ATP2A3: variants seen among roughly 807,000 people sequenced by gnomAD.
The protein encoded by ATP2A3 is sarcoplasmic/endoplasmic reticulum calcium ATPase 3.
A neutral mutation model predicts 106.8 loss-of-function variants in ATP2A3; 61 were observed. The observed-to-expected ratio is 0.57, with a 90% CI of 0.46 to 0.71. The LOEUF is 0.71. Among genes scored for constraint, ATP2A3 ranks in the 30% least tolerant of loss-of-function variants. The pLI, the probability that ATP2A3 is intolerant of heterozygous loss-of-function variation, is 0.00. For missense variants in ATP2A3, 1,201 were observed against 1,423.5 expected (o/e 0.84, Z 2.52); for synonymous variants, 611 against 609.3 (o/e 1.00, Z -0.04).
chr17:3,956,370 T>A (rs2054781361), intron 1 of ATP2A3, among the ~76,000 whole-genome samples: 1 of 152,236 alleles, frequency 6.6e-6, no homozygotes, highest in East Asian at 1.9e-4. Flanking sequence ...AAGAAGGATG[T>A]GTATTCGTGC....
Position 3,947,743 on chromosome 17 carries a change from G to T in ATP2A3, c.743C>A (p.Pro248Gln), listed in dbSNP as rs777392643. The T allele has an allele frequency of 6.2e-7, 1 of 1,608,176 alleles. No individual in the cohort carries two copies. Among genetic ancestry groups the T allele is most frequent in the Non-Finnish European group, 8.5e-7 (1 of 1,179,828 alleles). ...AAACTCGTCCAGCTTGCGCTGCAGC[G>T]GCGTCCGCTCGGGCTCGACTGCCGC... ...QMAAVEPERT[P>Q]LQRKLDEFGR... Residue 248 changes from proline (P) to glutamine (Q), a missense_variant, in exon 8 of 21, where the codon CCG (proline) becomes CAG (glutamine). Pro to Gln is a moderately conservative substitution (Grantham distance 76, BLOSUM62 -1). This residue lies in a region of ATP2A3 where 935 missense variants were observed against 1,176.7 expected (regional missense o/e 0.79). Transcript: ENST00000397041. The surrounding 1 kb of genome is among the most constrained non-coding windows in gnomAD (Gnocchi z 7.7).
At chr17:3,942,816 A>T in intron 11 of ATP2A3, 85 bp from the exon 12 acceptor site, 1 of 1,583,988 alleles carries the variant, frequency 6.3e-7, no homozygotes, top group Non-Finnish European at 8.6e-7. Context: ...GCCCCAAGAG[A>T]GCCTCTTGCT....
chr17:3,937,604 C>T lies in ATP2A3; in HGVS notation c.2133G>A (p.Leu711=). Residue 711 remains leucine, a synonymous_variant, in exon 15 of 21, where the codon CTG becomes CTA. Transcript: ENST00000397041. ...TGDGVNDAPA[L]KKAEIGIAMG... is the part of the protein sequence containing the mutation. Reference sequence around the variant, plus strand: ...TGGCGATGCCGATCTCTGCTTTCTTCAGGGCTGGTGCGTCGTTCACTCCAT... The same window carrying T: ...TGGCGATGCCGATCTCTGCTTTCTTTAGGGCTGGTGCGTCGTTCACTCCAT... The T allele has an allele frequency of 6.2e-7, 1 of 1,614,022 alleles. No individual in the cohort carries two copies. Among genetic ancestry groups the T allele is most frequent in the Middle Eastern group, 1.7e-4 (1 of 6,046 alleles).
intron 1 of ATP2A3, among the ~76,000 whole-genome samples, chr17:3,954,225 C>A (rs1170858656): frequency 6.6e-6 from 1 of 152,138 alleles, no homozygotes; most frequent in Non-Finnish European, 1.5e-5. Flanking sequence ...CCTCTAACAT[C>A]CCTGCTCCCC....
At position 3,924,291 on chromosome 17, in the gene ATP2A3, G is replaced by C. The variant is rs930934790; in HGVS notation, c.*1131C>G. ...GCCAAAGTAGCAAAAGCTGAGTTAA[G>C]AGAAAAATTCTGTCCATCAGAGGCC... is the stretch of plus-strand genomic sequence containing the variant. On this transcript the variant is annotated 3_prime_UTR_variant, in exon 21 of 21. Coordinates refer to ENST00000397041, the MANE Select transcript of ATP2A3 (RefSeq NM_005173.4). This position sits in a 1 kb window ranked among gnomAD's most constrained non-coding sequence, Gnocchi z 6.4. 5 of 155,054 alleles carry C rather than the reference G, an allele frequency of 3.2e-5. No individual in the cohort carries two copies. The highest frequency in any genetic ancestry group is 3.2e-4 in the Admixed American group (5 of 15,578). 9.6% of individuals were successfully genotyped at this position (155,054 alleles called of 1,614,324 possible).
At chr17:3,942,836 A>G in intron 11 of ATP2A3, 105 bp from the exon 12 acceptor site, 2 of 1,530,940 alleles carry the variant, frequency 1.3e-6, no homozygotes, top group Non-Finnish European at 1.8e-6. Flanking sequence ...TCTGTGTGGG[A>G]TGACATCTAC....
At chr17:3,940,676 T>C (rs1439672957) in intron 14 of ATP2A3, among the ~76,000 whole-genome samples, 1 of 151,966 alleles carries the variant, frequency 6.6e-6, no homozygotes, top group Non-Finnish European at 1.5e-5. Context: ...CCCCGCTAAT[T>C]TTTGTACTTT....
intron 1 of ATP2A3, 123 bp downstream of exon 1, chr17:3,964,051 G>A (rs1471542632): frequency 9.3e-6 from 4 of 430,488 alleles, no homozygotes; most frequent in Non-Finnish European, 1.3e-5. Context: ...AGGAGCATCC[G>A]AAGAGGTTTC....
rs940369618 is a variant in ATP2A3 at position 3,925,170 on chromosome 17, C to T, written c.*252G>A. 3 of 613,684 alleles carry T rather than the reference C, an allele frequency of 4.9e-6. No individual in the cohort carries two copies. Among genetic ancestry groups the T allele is most frequent in the African/African-American group, 3.7e-5 (2 of 54,050 alleles). 38.0% of individuals were successfully genotyped at this position (613,684 alleles called of 1,614,324 possible). A position where few individuals can be genotyped will look rare whatever the true frequency, so the allele number is the denominator to read the frequency against. ...CCAGCCTGCAGCTCCTGGGCCAGAGCTGCAGAGCAGGGAACTTCCCAGGAG... is the reference window on the plus strand; with the variant it reads ...CCAGCCTGCAGCTCCTGGGCCAGAGTTGCAGAGCAGGGAACTTCCCAGGAG... On this transcript the variant is annotated 3_prime_UTR_variant, in exon 21 of 21. Transcript: ENST00000397041. The surrounding 1 kb of genome is among the most constrained non-coding windows in gnomAD (Gnocchi z 4.2).
In ATP2A3 at chr17:3,935,283, G is replaced by C. The variant is rs185342975; in HGVS notation, c.2525-6C>G. 1.2e-3 allele frequency: 1,907 copies of C among 1,613,082 alleles called. 4 individuals carry two copies. The highest frequency in any genetic ancestry group is 6.6e-3 in the Middle Eastern group (40 of 6,060). On this transcript the variant is annotated splice_region_variant and splice_polypyrimidine_tract_variant and intron_variant, in intron 16 of 20. Coordinates refer to ENST00000397041, the MANE Select transcript of ATP2A3 (RefSeq NM_005173.4). ...TGTGGCCAGGCCTACGTACACTGCGGGGAAGGGAGGAGACCGGCTGTAGAG... is the reference window on the plus strand; with the variant it reads ...TGTGGCCAGGCCTACGTACACTGCGCGGAAGGGAGGAGACCGGCTGTAGAG...
chr17:3,950,808 T>C lies in ATP2A3; in HGVS notation c.464-35A>G, dbSNP rs571845212. 5 of 1,600,750 alleles carry C rather than the reference T, an allele frequency of 3.1e-6. No individual in the cohort carries two copies. The South Asian group carries it at 5.5e-5, about 18-fold the overall frequency. On this transcript the variant is annotated intron_variant, in intron 5 of 20. Transcript: ENST00000397041. ...GAGAATGGCTTGGCTGAGGGTGGCT[T>C]TGGGCACCACCAGCTGGGAAAAGCC... is the stretch of plus-strand genomic sequence containing the variant.
At position 3,953,547 on chromosome 17, in the gene ATP2A3, A is replaced by G. The variant is rs2054579255; in HGVS notation, c.137-118T>C. 6.7e-7 allele frequency: 1 copy of G among 1,485,148 alleles called. No homozygotes were observed. Among genetic ancestry groups the G allele is most frequent in the African/African-American group, 1.4e-5 (1 of 71,662 alleles). The allele number at this position is 1,485,148 out of a possible 1,614,324, so 92.0% of individuals were successfully genotyped here. A position where few individuals can be genotyped will look rare whatever the true frequency, so the allele number is the denominator to read the frequency against. ...CCTCCCTGCACTCAGAAGAGGGAGA[A>G]CCCAGGTCGCTGAGAGGCTCAGGTG... On this transcript the variant is annotated intron_variant, in intron 2 of 20. Transcript: ENST00000397041. The surrounding 1 kb of genome is among the most constrained non-coding windows in gnomAD (Gnocchi z 5.1).
In ATP2A3 at chr17:3,953,603, C is replaced by G; in HGVS notation, c.136+90G>C. On this transcript the variant is annotated intron_variant, in intron 2 of 20. Coordinates refer to ENST00000397041, the MANE Select transcript of ATP2A3 (RefSeq NM_005173.4). The surrounding 1 kb of genome is among the most constrained non-coding windows in gnomAD (Gnocchi z 5.1). The stretch of plus-strand genomic sequence containing the variant: ...TCCTGGGGAGCTCAGCAAGGCCTCA[C>G]TCAGCGGGGAGAAGGAAGTCATGAC... 1.3e-6 allele frequency: 2 copies of G among 1,539,850 alleles called. No individual in the cohort carries two copies. Among genetic ancestry groups the G allele is most frequent in the East Asian group, 2.4e-5 (1 of 40,952 alleles).
Position 3,964,218 on chromosome 17 carries a change from C to A in ATP2A3, c.74G>T (p.Ser25Ile). 7.9e-7 allele frequency: 1 copy of A among 1,273,820 alleles called. No individual in the cohort carries two copies. Among genetic ancestry groups the A allele is most frequent in the Non-Finnish European group, 1.0e-6 (1 of 998,006 alleles). 78.9% of individuals were successfully genotyped at this position (1,273,820 alleles called of 1,614,324 possible). A position where few individuals can be genotyped will look rare whatever the true frequency, so the allele number is the denominator to read the frequency against. The change falls in exon 1 of 21, where the codon AGC (serine) becomes ATC (isoleucine). Residue 25 changes from serine to isoleucine, a missense_variant. By Grantham distance (142) the Ser-to-Ile change is moderately radical. Coordinates refer to ENST00000397041, the MANE Select transcript of ATP2A3 (RefSeq NM_005173.4). The part of the protein sequence containing the change: ...HFSVTAEGGL[S>I]PAQVTGARER... ...CCGCGCGCCGGTCACCTGCGCCGGG[C>A]TCAGGCCGCCCTCGGCTGTCACCGA...
In ATP2A3 at chr17:3,944,913, C is replaced by G. The variant is rs1412491949; in HGVS notation, c.1185-107G>C. 32 of 1,249,464 alleles carry G rather than the reference C, an allele frequency of 2.6e-5. No homozygotes were observed. The African/African-American group carries it at 5.0e-4, about 20-fold the overall frequency. 77.4% of individuals were successfully genotyped at this position (1,249,464 alleles called of 1,614,324 possible). On this transcript the variant is annotated intron_variant, in intron 9 of 20. Transcript: ENST00000397041. ...GGGCTCCGCCTCTTGGCCCCGCCCC[C>G]AGAAGGGCTCCGCCTCCTGGCCCCG...
At position 3,944,760 on chromosome 17, in the gene ATP2A3, C is replaced by A; in HGVS notation, c.1231G>T (p.Val411Leu). Residue 411 changes from valine to leucine, a missense_variant, in exon 10 of 21, where the codon GTG (valine) becomes TTG (leucine). By Grantham distance (32) the Val-to-Leu change is conservative (BLOSUM62 1). Coordinates refer to ENST00000397041, the MANE Select transcript of ATP2A3 (RefSeq NM_005173.4). ...AGGGCGCAGATGGTCGCCAGCTCCA[C>A]CAGCCCGTCGAACTGGCCGCAGCGC... The part of the protein sequence containing the change: ...PVRCGQFDGL[V>L]ELATICALCN... The A allele has an allele frequency of 1.9e-6, 3 of 1,613,050 alleles. No individual in the cohort carries two copies. The highest frequency in any genetic ancestry group is 3.3e-4 in the Middle Eastern group (2 of 6,046).
chr17:3,943,564 C>T (rs1238415475), intron 10 of ATP2A3, 42 bp from the exon 11 acceptor site: 7 of 1,612,704 alleles, frequency 4.3e-6, no homozygotes, highest in Admixed American at 1.7e-5. Flanking sequence ...GGCAGGCAGC[C>T]TCCAGCCCGC....
chr17:3,939,335 A>T (rs757788351), intron 14 of ATP2A3, among the ~76,000 whole-genome samples: 5 of 152,120 alleles, frequency 3.3e-5, no homozygotes, highest in Non-Finnish European at 7.4e-5. Context: ...GTTAGGCTGG[A>T]GGTCAAGATT....
rs1046878117 is a variant in ATP2A3 at position 3,928,768 on chromosome 17, C to T, written c.2875G>A (p.Val959Met). ...LVPPLPLIFQ[V>M]TPLSGRQWVV... The stretch of plus-strand genomic sequence containing the variant: ...CACTGGCGCCCGCTCAGTGGGGTCA[C>T]CTGGAAAATGAGCTGGCGGGGAGGG... The change falls in exon 20 of 21, where the codon GTG (valine) becomes ATG (methionine). Residue 959 changes from valine to methionine, a missense_variant. By Grantham distance (21) the Val-to-Met change is conservative (BLOSUM62 1). Transcript: ENST00000397041. The surrounding 1 kb of genome is among the most constrained non-coding windows in gnomAD (Gnocchi z 6.1). 1.4e-5 allele frequency: 21 copies of T among 1,554,874 alleles called. No individual in the cohort carries two copies. The highest frequency in any genetic ancestry group is 1.8e-5 in the Non-Finnish European group (21 of 1,149,204).
Sources: gnomAD v4.1 joint callset for allele counts (sites outside exome capture counted in the v4.1 genomes callset) on GRCh38, gnomAD v4.1.1 for gene constraint, gnomAD v4.1.1 regional missense constraint, Gnocchi (gnomAD v3.1) non-coding constraint, MANE v1.5 for transcripts, NCBI Gene and HGNC (gene_info 2026-07-23, HGNC 2026-07-21) for gene names.